PCDHGA10: variants seen among roughly 807,000 people sequenced by gnomAD.
PCDHGA10 encodes protocadherin gamma-A10.
Under a neutral mutation model 59.5 loss-of-function variants are expected in PCDHGA10, and 42 were observed. That is an observed-to-expected ratio of 0.71 (90% CI 0.55 to 0.91). PCDHGA10 has a LOEUF of 0.91. PCDHGA10 is among the 40% of genes least tolerant of loss of function. The pLI, the probability that PCDHGA10 is intolerant of heterozygous loss-of-function variation, is 0.00. For synonymous variants in PCDHGA10, 511 were observed against 517.2 expected, an observed-to-expected ratio of 0.99 and a Z score of 0.16; for missense variants, 1,111 against 1,198.2, an observed-to-expected ratio of 0.93 and a Z score of 1.07.
chr5:141,472,579 G>T (rs1172183592), intron 1 of PCDHGA10, among the ~76,000 whole-genome samples: 3 of 151,928 alleles, frequency 2.0e-5, no homozygotes, highest in Non-Finnish European at 4.4e-5. Context: ...GCATCTCATT[G>T]GTCAGAAGCT....
chr5:141,436,298 T>C (rs1480546595), intron 1 of PCDHGA10, among the ~76,000 whole-genome samples: 3 of 152,186 alleles, frequency 2.0e-5, no homozygotes, highest in Non-Finnish European at 4.4e-5. Flanking sequence ...CATTGAGAGT[T>C]AGAGCATGAA....
chr5:141,421,464 T>A lies in PCDHGA10; in HGVS notation c.2436+5853T>A, dbSNP rs773727821. ...GGAAGACACAGCTTTTCGCTGTGAA[T>A]CCGCGAAGCGGCAGCTTGATCACGG... On this transcript the variant is annotated intron_variant, in intron 1 of 3. Transcript: ENST00000398610. 17 of 1,613,972 alleles carry A rather than the reference T, an allele frequency of 1.1e-5. No individual in the cohort carries two copies. In the East Asian group the frequency reaches 3.6e-4, roughly 34 times the overall value.
intron 2 of PCDHGA10, among the ~76,000 whole-genome samples, chr5:141,504,259 G>A (rs1325093588): frequency 6.6e-6 from 1 of 152,126 alleles, no homozygotes; most frequent in Non-Finnish European, 1.5e-5. Flanking sequence ...TTATGGTTTA[G>A]TATTTTTTTA....
chr5:141,488,711 A>G (rs184498001), intron 1 of PCDHGA10, among the ~76,000 whole-genome samples: 100 of 152,290 alleles, frequency 6.6e-4, no homozygotes, highest in Non-Finnish European at 1.2e-3. Context: ...TGCTGGTTCA[A>G]GCAAAGTGGT....
At chr5:141,500,450 C>A (rs2099800340) in intron 2 of PCDHGA10, among the ~76,000 whole-genome samples, 1 of 152,072 alleles carries the variant, frequency 6.6e-6, no homozygotes, top group Non-Finnish European at 1.5e-5. Flanking sequence ...ACCTCGTGAT[C>A]CGCCCGCCTC....
At chr5:141,425,918 CG>C (rs2096903264) in intron 1 of PCDHGA10, among the ~76,000 whole-genome samples, 1 of 152,200 alleles carries the variant, frequency 6.6e-6, no homozygotes, top group Admixed American at 6.5e-5. Context: ...ACAGTCACTA[CG>C]AAAACTCATA....
At chr5:141,505,336 G>A in intron 2 of PCDHGA10, 57 bp from the exon 3 acceptor site, 2 of 1,611,374 alleles carry the variant, frequency 1.2e-6, no homozygotes, top group South Asian at 1.1e-5. Flanking sequence ...GAGGACAGGA[G>A]GGGCATGAGC....
intron 1 of PCDHGA10, among the ~76,000 whole-genome samples, chr5:141,460,536 G>A (rs911670681): frequency 2.0e-5 from 3 of 152,092 alleles, no homozygotes; most frequent in African/African-American, 7.2e-5. Flanking sequence ...AATAATCTTA[G>A]CACCTTAATC....
intron 1 of PCDHGA10, among the ~76,000 whole-genome samples, chr5:141,488,087 G>A (rs1479773288): frequency 6.6e-6 from 1 of 152,198 alleles, no homozygotes; most frequent in East Asian, 1.9e-4. Flanking sequence ...CTAGTACACT[G>A]TGAAGGGACC....
intron 1 of PCDHGA10, among the ~76,000 whole-genome samples, chr5:141,461,151 C>A (rs1424467673): frequency 6.6e-6 from 1 of 152,022 alleles, no homozygotes; most frequent in African/African-American, 2.4e-5. Context: ...TGGGTAGATA[C>A]CCAATAGTGG....
intron 3 of PCDHGA10, among the ~76,000 whole-genome samples, chr5:141,508,649 C>T (rs1303066200): frequency 6.6e-6 from 1 of 152,126 alleles, no homozygotes; most frequent in Non-Finnish European, 1.5e-5. Flanking sequence ...CCGTCAGGCC[C>T]TTCCTGTCAT....
In PCDHGA10 at chr5:141,500,954, C is replaced by T. The variant is rs536993707; in HGVS notation, c.2496-4439C>T. On this transcript the variant is annotated intron_variant, in intron 2 of 3. Coordinates refer to ENST00000398610, the MANE Select transcript of PCDHGA10 (RefSeq NM_018913.3). Reference sequence around the variant, plus strand: ...CGCCATCTCGGCTCACTGCAAGCTCCACCTCCTGGGTTCAAGCAATTCTCC... The same window carrying T: ...CGCCATCTCGGCTCACTGCAAGCTCTACCTCCTGGGTTCAAGCAATTCTCC... Among the ~76,000 whole-genome samples the T allele has an allele frequency of 2.4e-3, 358 of 152,060 alleles. 1 individual carries two copies. The highest frequency in any genetic ancestry group is 4.1e-3 in the Admixed American group (63 of 15,282).
intron 1 of PCDHGA10, among the ~76,000 whole-genome samples, chr5:141,439,208 C>A: frequency 6.6e-6 from 1 of 151,294 alleles, no homozygotes. Flanking sequence ...AAAAAAAATC[C>A]ATATGTGAAA....
rs888836155 is a variant in PCDHGA10, at chr5:141,512,011, A to C, written c.*838A>C. The C allele has an allele frequency of 1.3e-5, 2 of 152,946 alleles. No homozygotes were observed. The highest frequency in any genetic ancestry group is 6.5e-5 in the Admixed American group (1 of 15,300). The allele number at this position is 152,946 out of a possible 1,614,324, so 9.5% of individuals were successfully genotyped here. ...GGCATGGACAAAGCTTGACACATCA[A>C]GTTATCAAGGCCTTGGAGGAGGCTC... On this transcript the variant is annotated 3_prime_UTR_variant, in exon 4 of 4. Coordinates refer to ENST00000398610, the MANE Select transcript of PCDHGA10 (RefSeq NM_018913.3).
chr5:141,417,556 A>G, intron 1 of PCDHGA10: 1 of 333,096 alleles, frequency 3.0e-6, no homozygotes, highest in Non-Finnish European at 5.4e-6. Flanking sequence ...TGAAAGAGGT[A>G]GAGAAAAGTC....
chr5:141,482,245 G>A (rs72790067), intron 1 of PCDHGA10, among the ~76,000 whole-genome samples: 74 of 152,252 alleles, frequency 4.9e-4, no homozygotes, highest in Non-Finnish European at 7.9e-4. Flanking sequence ...TATAAGTATA[G>A]TACTGTACAT....
intron 1 of PCDHGA10, among the ~76,000 whole-genome samples, chr5:141,484,072 G>A (rs2099591675): frequency 6.6e-6 from 1 of 152,258 alleles, no homozygotes; most frequent in Admixed American, 6.5e-5. Flanking sequence ...TGAAAAGCTT[G>A]CTCTTTTGAA....
At chr5:141,482,862 A>G (rs1169526338) in intron 1 of PCDHGA10, among the ~76,000 whole-genome samples, 1 of 152,180 alleles carries the variant, frequency 6.6e-6, no homozygotes, top group Non-Finnish European at 1.5e-5. Context: ...ACTTGAGGTC[A>G]GGAGTTTGAA....
In PCDHGA10 at chr5:141,432,866, G is replaced by A; in HGVS notation, c.2436+17255G>A. The A allele has an allele frequency of 6.2e-7, 1 of 1,614,152 alleles. No individual in the cohort carries two copies. The highest frequency in any genetic ancestry group is 8.5e-7 in the Non-Finnish European group (1 of 1,180,008). On this transcript the variant is annotated intron_variant, in intron 1 of 3. Transcript: ENST00000398610. This position sits in a 1 kb window ranked among gnomAD's most constrained non-coding sequence, Gnocchi z 6.0. ...GGTAGCGGTGGCCGCGGTCTCCTGC[G>A]TCTTCCTGGCCTTCGTCATCTTGCT...
Sources: gnomAD v4.1 joint callset for allele counts (sites outside exome capture counted in the v4.1 genomes callset) on GRCh38, gnomAD v4.1.1 for gene constraint, Gnocchi (gnomAD v3.1) non-coding constraint, MANE v1.5 for transcripts, NCBI Gene and HGNC (gene_info 2026-07-23, HGNC 2026-07-21) for gene names.